PPP4R3A: variants seen among roughly 807,000 people sequenced by gnomAD.
The protein encoded by PPP4R3A is serine/threonine-protein phosphatase 4 regulatory subunit 3A.
Under a neutral mutation model 91.7 loss-of-function variants are expected in PPP4R3A, and 15 were observed. The ratio of observed to expected loss-of-function variants is 0.16; its 90% CI spans 0.11 to 0.25. The LOEUF (loss-of-function observed/expected upper bound fraction) is 0.25. PPP4R3A is among the 10% of genes least tolerant of loss of function. The pLI, the probability that PPP4R3A is intolerant of heterozygous loss-of-function variation, is 1.00. For synonymous variants in PPP4R3A, 377 were observed against 348.7 expected (o/e 1.08, Z -0.91); for missense variants, 623 against 998.4 (o/e 0.62, Z 5.07).
chr14:91,477,500 G>A (rs1187292452), intron 4 of PPP4R3A, among the ~76,000 whole-genome samples: 2 of 152,084 alleles, frequency 1.3e-5, no homozygotes, highest in African/African-American at 4.8e-5. Context: ...TATTTAAAAA[G>A]CAAAATTTAG....
intron 14 of PPP4R3A, among the ~76,000 whole-genome samples, chr14:91,460,119 C>G (rs977621049): frequency 1.3e-5 from 2 of 152,034 alleles, no homozygotes; most frequent in African/African-American, 2.4e-5. Context: ...TCACACCATT[C>G]GCCTGCCTCA....
chr14:91,462,269 A>G (rs1888207451), intron 12 of PPP4R3A, 30 bp from the exon 13 acceptor site: 4 of 1,525,598 alleles, frequency 2.6e-6, no homozygotes, highest in Non-Finnish European at 3.5e-6. Flanking sequence ...AGTAAATACA[A>G]TCATATATGG....
chr14:91,457,911 A>G lies in PPP4R3A; in HGVS notation c.*848T>C, dbSNP rs1279356366. 6.6e-6 allele frequency: 1 copy of G among 152,598 alleles called. No homozygotes were observed. Among genetic ancestry groups the G allele is most frequent in the Non-Finnish European group, 1.5e-5 (1 of 68,026 alleles). 9.5% of individuals were successfully genotyped at this position (152,598 alleles called of 1,614,324 possible). A position where few individuals can be genotyped will look rare whatever the true frequency, so the allele number is the denominator to read the frequency against. ...AAGATTACTTTGCTTTTGTCAATAAAAACTATACCATCTTTCATAAAACTC... is the reference window on the plus strand; with the variant it reads ...AAGATTACTTTGCTTTTGTCAATAAGAACTATACCATCTTTCATAAAACTC... On this transcript the variant is annotated 3_prime_UTR_variant, in exon 15 of 15. Coordinates refer to ENST00000554943, the MANE Select transcript of PPP4R3A (RefSeq NM_001366432.2).
intron 11 of PPP4R3A, among the ~76,000 whole-genome samples, chr14:91,464,621 T>G (rs1006230662): frequency 1.3e-5 from 2 of 151,964 alleles, no homozygotes; most frequent in African/African-American, 4.8e-5. Flanking sequence ...CCAGATAAAT[T>G]TGCACAGCAT....
intron 4 of PPP4R3A, among the ~76,000 whole-genome samples, chr14:91,479,723 G>T (rs1180697092): frequency 6.6e-6 from 1 of 152,106 alleles, no homozygotes; most frequent in African/African-American, 2.4e-5. Context: ...TGTATTTTTA[G>T]TAGAGACGGG....
chr14:91,460,656 T>TTTTTTG (rs1888084969), intron 14 of PPP4R3A, among the ~76,000 whole-genome samples: 1 of 148,348 alleles, frequency 6.7e-6, no homozygotes. Flanking sequence ...TTTTTTTTTT[T>TTTTTTG]GAGATGGAGT....
At chr14:91,468,398 C>G (rs538165409) in intron 10 of PPP4R3A, among the ~76,000 whole-genome samples, 1 of 152,050 alleles carries the variant, frequency 6.6e-6, no homozygotes, top group South Asian at 2.1e-4. Context: ...GTAGGCTGGG[C>G]GCCATGGCTC....
In PPP4R3A at chr14:91,470,967, T is replaced by C. The variant is rs1279693893; in HGVS notation, c.1530A>G (p.Ala510=). 1 of 1,603,318 alleles carries C rather than the reference T, an allele frequency of 6.2e-7. No individual in the cohort carries two copies. Among genetic ancestry groups the C allele is most frequent in the East Asian group, 2.2e-5 (1 of 44,658 alleles). The change falls in exon 10 of 15, where the codon GCA becomes GCG. Residue 510 remains alanine (A), a synonymous_variant. Coordinates refer to ENST00000554943, the MANE Select transcript of PPP4R3A (RefSeq NM_001366432.2). ...KDDFQTAQLL[A]LVLELLTFCV... ...AAAATGTTAACAATTCCAATACAAGTGCCAATAGTTGGGCAGTCTGAAAAT... is the reference window on the plus strand; with the variant it reads ...AAAATGTTAACAATTCCAATACAAGCGCCAATAGTTGGGCAGTCTGAAAAT...
intron 2 of PPP4R3A, among the ~76,000 whole-genome samples, chr14:91,488,511 C>T (rs1890032913): frequency 6.6e-6 from 1 of 152,152 alleles, no homozygotes; most frequent in Non-Finnish European, 1.5e-5. Context: ...TATTAACATT[C>T]TAAGATCAAC....
intron 14 of PPP4R3A, among the ~76,000 whole-genome samples, chr14:91,459,983 C>A (rs1888023415): frequency 6.6e-6 from 1 of 151,958 alleles, no homozygotes; most frequent in Non-Finnish European, 1.5e-5. Context: ...TCCTTTTAGC[C>A]CTGCTCCTTC....
chr14:91,466,280 T>C (rs537610152), intron 10 of PPP4R3A: 2 of 985,838 alleles, frequency 2.0e-6, no homozygotes, highest in African/African-American at 1.7e-5. Context: ...TCACATCGTC[T>C]TCGGTTGGCA....
chr14:91,459,551 G>A (rs1227976148), intron 14 of PPP4R3A, among the ~76,000 whole-genome samples: 1 of 152,168 alleles, frequency 6.6e-6, no homozygotes, highest in Non-Finnish European at 1.5e-5. Flanking sequence ...ATGAGGCTGA[G>A]CATGGTGGCC....
At chr14:91,474,009 T>C (rs1595060238) in intron 7 of PPP4R3A, among the ~76,000 whole-genome samples, 4 of 152,216 alleles carry the variant, frequency 2.6e-5, no homozygotes. Flanking sequence ...CCTCAGGTGA[T>C]CCGCCTGCCT....
intron 1 of PPP4R3A, 72 bp downstream of exon 1, chr14:91,509,434 C>T: frequency 6.5e-7 from 1 of 1,528,972 alleles, no homozygotes; most frequent in African/African-American, 1.4e-5. Context: ...AGCGCCATGC[C>T]CCGCAAGAAC....
intron 2 of PPP4R3A, among the ~76,000 whole-genome samples, chr14:91,487,910 G>A (rs1390491513): frequency 6.6e-6 from 1 of 152,178 alleles, no homozygotes; most frequent in African/African-American, 2.4e-5. Flanking sequence ...GCGGAGTTAT[G>A]CCATGTTGCC....
intron 13 of PPP4R3A, chr14:91,461,813 C>G (rs1198575791): frequency 9.3e-6 from 8 of 856,674 alleles, no homozygotes; most frequent in Admixed American, 3.1e-5. Context: ...CCTTCAGAAT[C>G]ATATTTAGTA....
intron 1 of PPP4R3A, among the ~76,000 whole-genome samples, chr14:91,502,851 A>T (rs1891046737): frequency 6.6e-6 from 1 of 152,272 alleles, no homozygotes; most frequent in Admixed American, 6.5e-5. Context: ...ATAAAATTCA[A>T]GGTAAAAACT....
chr14:91,464,541 A>ATCGT (rs1375669075), intron 11 of PPP4R3A, among the ~76,000 whole-genome samples: 1 of 152,200 alleles, frequency 6.6e-6, no homozygotes, highest in Admixed American at 6.5e-5. Flanking sequence ...AGGTGGGAGG[A>ATCGT]TCGTTTGAGC....
intron 1 of PPP4R3A, among the ~76,000 whole-genome samples, chr14:91,507,393 ATGTAC>A (rs10551441): frequency 0.18 from 8,379 of 46,684 alleles, 861 homozygotes; most frequent in Non-Finnish European, 0.32. Context: ...TATATAGTAT[ATGTAC>A]TATAATTATA....
Sources: gnomAD v4.1 joint callset for allele counts (sites outside exome capture counted in the v4.1 genomes callset) on GRCh38, gnomAD v4.1.1 for gene constraint, MANE v1.5 for transcripts, NCBI Gene and HGNC (gene_info 2026-07-23, HGNC 2026-07-21) for gene names.